Variants in DCN observed in about 807,000 individuals in gnomAD.
DCN encodes decorin.
DCN carries 17 observed loss-of-function variants against 36.5 expected under a neutral mutation model. That is an observed-to-expected ratio of 0.47 (90% CI 0.32 to 0.70). The LOEUF (loss-of-function observed/expected upper bound fraction) is 0.70. Ranked by LOEUF, DCN falls within the 30% of genes least tolerant of loss-of-function variation. The pLI is 0.04. For synonymous variants in DCN, 163 were observed against 161.4 expected (o/e 1.01, Z -0.07); for missense variants, 389 against 430.1 (o/e 0.90, Z 0.84).
At chr12:91,148,258 A>G (rs1457953173) in intron 7 of DCN, among the ~76,000 whole-genome samples, 1 of 151,824 alleles carries the variant, frequency 6.6e-6, no homozygotes, top group Non-Finnish European at 1.5e-5. Context: ...TATTTTTAGT[A>G]GAGAGGGGGT....
chr12:91,177,434 C>T (rs958807108), intron 2 of DCN: 40 of 612,518 alleles, frequency 6.5e-5, no homozygotes, highest in East Asian at 5.3e-4. Context: ...GTACACATGG[C>T]GGAATCATGA....
At chr12:91,166,288 A>G (rs149613978) in intron 2 of DCN, among the ~76,000 whole-genome samples, 12 of 152,312 alleles carry the variant, frequency 7.9e-5, no homozygotes, top group African/African-American at 1.2e-4. Context: ...CACAGTTCCC[A>G]TAGAAATAAC....
chr12:91,171,088 C>T (rs1882927953), intron 2 of DCN, among the ~76,000 whole-genome samples: 1 of 151,854 alleles, frequency 6.6e-6, no homozygotes, highest in African/African-American at 2.4e-5. Flanking sequence ...TATCAATTAG[C>T]CAGGTTCAAT....
chr12:91,176,606 T>C (rs1313741114), intron 2 of DCN: 1 of 152,092 alleles, frequency 6.6e-6, no homozygotes. Context: ...GGTCAAGGTT[T>C]ATGAGCTATT....
At chr12:91,155,037 G>A (rs540750287) in intron 5 of DCN, among the ~76,000 whole-genome samples, 1 of 152,222 alleles carries the variant, frequency 6.6e-6, no homozygotes, top group East Asian at 1.9e-4. Flanking sequence ...TCACCAGGAG[G>A]TTGCTGATAT....
intron 3 of DCN, among the ~76,000 whole-genome samples, chr12:91,161,861 A>G (rs1882176069): frequency 6.6e-6 from 1 of 152,134 alleles, no homozygotes; most frequent in Non-Finnish European, 1.5e-5. Flanking sequence ...CTTTAAGTCC[A>G]TAACACTCAC....
In DCN at chr12:91,143,829, T is replaced by G. The variant is rs1049251342; in HGVS notation, c.*2229A>C. The stretch of plus-strand genomic sequence containing the variant: ...ATATGCAAAAAGATATATATATAAA[T>G]ATATATATATAAAGATATATATGTG... On this transcript the variant is annotated 3_prime_UTR_variant, in exon 8 of 8. Transcript: ENST00000052754. The G allele has an allele frequency of 4.1e-5, 6 of 147,694 alleles. No individual in the cohort carries two copies. The highest frequency in any genetic ancestry group is 8.9e-5 in the Non-Finnish European group (6 of 67,116). 9.1% of individuals were successfully genotyped at this position (147,694 alleles called of 1,614,324 possible).
In DCN at chr12:91,144,976, T is replaced by A. The variant is rs982613842; in HGVS notation, c.*1082A>T. The A allele has an allele frequency of 6.6e-6, 1 of 152,244 alleles. No homozygotes were observed. Among genetic ancestry groups the A allele is most frequent in the Non-Finnish European group, 1.5e-5 (1 of 68,032 alleles). 9.4% of individuals were successfully genotyped at this position (152,244 alleles called of 1,614,324 possible). A position where few individuals can be genotyped will look rare whatever the true frequency, so the allele number is the denominator to read the frequency against. Reference sequence around the variant, plus strand: ...TGTATTTCAATTATTTTTTCCCATATGAAACTATGATTTATAGGGGTTTTA... The same window carrying A: ...TGTATTTCAATTATTTTTTCCCATAAGAAACTATGATTTATAGGGGTTTTA... On this transcript the variant is annotated 3_prime_UTR_variant, in exon 8 of 8. Coordinates refer to ENST00000052754, the MANE Select transcript of DCN (RefSeq NM_001920.5).
intron 3 of DCN, among the ~76,000 whole-genome samples, chr12:91,159,564 C>A (rs1282815520): frequency 6.6e-6 from 1 of 151,580 alleles, no homozygotes; most frequent in Admixed American, 6.6e-5. Flanking sequence ...ACACAGAGAG[C>A]CTTAACATAT....
intron 1 of DCN, among the ~76,000 whole-genome samples, chr12:91,179,894 G>A (rs1352552397): frequency 1.3e-5 from 2 of 151,956 alleles, no homozygotes; most frequent in Admixed American, 6.6e-5. Context: ...ATCTCATTTT[G>A]CTAACAGGGC....
intron 2 of DCN, chr12:91,175,569 T>G (rs988933857): frequency 2.0e-5 from 3 of 152,140 alleles, no homozygotes; most frequent in Admixed American, 1.3e-4. Flanking sequence ...CATTTTAATT[T>G]AAAAAGTTTA....
At chr12:91,170,619 A>G (rs1565786480) in intron 2 of DCN, among the ~76,000 whole-genome samples, 1 of 152,200 alleles carries the variant, frequency 6.6e-6, no homozygotes, top group Non-Finnish European at 1.5e-5. Flanking sequence ...AGCAAATGCT[A>G]CACTCTTTTG....
rs767455312 is a variant in DCN at position 91,146,067 on chromosome 12, G to A, written c.1071C>T (p.Asn357=). ...AGGGCTTTCTTGAGAATTACTTATA[G>A]TTTCCGAGTTGAATGGCAGAGCGCA... The part of the protein sequence containing the change: ...VYVRSAIQLG[N]YK The change falls in exon 8 of 8, where the codon AAC becomes AAT. Residue 357 remains asparagine (N), a synonymous_variant. Transcript: ENST00000052754. The A allele has an allele frequency of 1.7e-5, 28 of 1,613,302 alleles. No individual in the cohort carries two copies. Among genetic ancestry groups the A allele is most frequent in the Middle Eastern group, 1.6e-4 (1 of 6,082 alleles).
chr12:91,168,564 A>T (rs1882732404), intron 2 of DCN, among the ~76,000 whole-genome samples: 1 of 152,132 alleles, frequency 6.6e-6, no homozygotes, highest in African/African-American at 2.4e-5. Flanking sequence ...ATTAATTTTA[A>T]AGTCTATCTG....
intron 3 of DCN, 144 bp downstream of exon 3, chr12:91,164,461 G>GT (rs1882398598): frequency 3.6e-6 from 1 of 274,416 alleles, no homozygotes; most frequent in Non-Finnish European, 6.1e-6. Flanking sequence ...TAAAAAAAAA[G>GT]TAAAAAAAAA....
chr12:91,141,110 T>G lies in DCN; in HGVS notation c.*4948A>C, dbSNP rs1290622151. On this transcript the variant is annotated 3_prime_UTR_variant, in exon 8 of 8. Transcript: ENST00000052754. Reference sequence around the variant, plus strand: ...CTTACAGTCTATACACGCAAAGGGATCCTCTCAAAGACAGTTGAATCAAGT... The same window carrying G: ...CTTACAGTCTATACACGCAAAGGGAGCCTCTCAAAGACAGTTGAATCAAGT... 1 of 152,210 alleles carries G rather than the reference T, an allele frequency of 6.6e-6. No individual in the cohort carries two copies. The highest frequency in any genetic ancestry group is 1.5e-5 in the Non-Finnish European group (1 of 68,064). 9.4% of individuals were successfully genotyped at this position (152,210 alleles called of 1,614,324 possible).
chr12:91,161,943 ATT>A (rs34042357), intron 3 of DCN, among the ~76,000 whole-genome samples: 4 of 143,020 alleles, frequency 2.8e-5, no homozygotes, highest in Non-Finnish European at 1.5e-5. Context: ...TTATCTACCA[ATT>A]TTTTTTTTTT....
At chr12:91,171,804 G>A (rs1010868960) in intron 2 of DCN, among the ~76,000 whole-genome samples, 1 of 152,190 alleles carries the variant, frequency 6.6e-6, no homozygotes, top group African/African-American at 2.4e-5. Flanking sequence ...AGTGAGAACA[G>A]CCCTTCAGAG....
chr12:91,151,911 C>T, intron 6 of DCN, 119 bp from the exon 7 acceptor site: 2 of 1,145,524 alleles, frequency 1.7e-6, no homozygotes, highest in Non-Finnish European at 2.5e-6. Context: ...TTACTCTTCC[C>T]AGTTCTTGGA....
Sources: gnomAD v4.1 joint callset for allele counts (sites outside exome capture counted in the v4.1 genomes callset) on GRCh38, gnomAD v4.1.1 for gene constraint, MANE v1.5 for transcripts, NCBI Gene and HGNC (gene_info 2026-07-23, HGNC 2026-07-21) for gene names.